Variants in TMTC2 observed in about 807,000 individuals in gnomAD.
TMTC2 encodes the protein protein O-mannosyl-transferase TMTC2.
A neutral mutation model predicts 82.4 loss-of-function variants in TMTC2; 43 were observed. The observed-to-expected ratio is 0.52, with a 90% confidence interval of 0.41 to 0.67. The LOEUF (loss-of-function observed/expected upper bound fraction) is 0.67, where lower values mean the gene tolerates loss of function less well. Ranked by LOEUF, TMTC2 falls within the 30% of genes least tolerant of loss-of-function variation. The pLI, the probability that TMTC2 is intolerant of heterozygous loss-of-function variation, is 0.00. For missense variants in TMTC2, 919 were observed against 1,012.4 expected (o/e 0.91, Z 1.25); for synonymous variants, 408 against 381.9 (o/e 1.07, Z -0.80).
At chr12:82,923,326 T>C (rs1216657469) in intron 3 of TMTC2, among the ~76,000 whole-genome samples, 1 of 152,188 alleles carries the variant, frequency 6.6e-6, no homozygotes, top group Non-Finnish European at 1.5e-5. Flanking sequence ...TGCCTATTTT[T>C]CCTCTATTGG....
chr12:82,874,428 T>C (rs745938811), intron 2 of TMTC2, among the ~76,000 whole-genome samples: 1 of 152,234 alleles, frequency 6.6e-6, no homozygotes, highest in Admixed American at 6.5e-5. Flanking sequence ...GGTAAAATCA[T>C]AATTTCGTCT....
intron 1 of TMTC2, among the ~76,000 whole-genome samples, chr12:82,820,625 T>G (rs998499827): frequency 1.3e-5 from 2 of 152,218 alleles, no homozygotes; most frequent in Non-Finnish European, 2.9e-5. Flanking sequence ...TCTGCCTGCC[T>G]CAGCCTCCCA....
At chr12:82,942,879 A>C (rs1876796546) in intron 4 of TMTC2, among the ~76,000 whole-genome samples, 1 of 152,166 alleles carries the variant, frequency 6.6e-6, no homozygotes, top group Non-Finnish European at 1.5e-5. Context: ...TTTTCTTTCT[A>C]TTGCAGGTTT....
chr12:82,700,398 G>A (rs115881884), intron 1 of TMTC2, among the ~76,000 whole-genome samples: 2,079 of 152,138 alleles, frequency 0.014, 42 homozygotes, highest in African/African-American at 0.048. Context: ...CTATTATAGG[G>A]CATTTAAAGA....
intron 11 of TMTC2, among the ~76,000 whole-genome samples, chr12:83,095,236 T>G (rs1359505386): frequency 1.4e-5 from 2 of 146,734 alleles, no homozygotes; most frequent in East Asian, 2.2e-4. Flanking sequence ...TTTTGTTTTT[T>G]TTTTTGTTTT....
intron 2 of TMTC2, among the ~76,000 whole-genome samples, chr12:82,889,831 A>G (rs537432822): frequency 1.1e-4 from 16 of 152,108 alleles, no homozygotes; most frequent in Non-Finnish European, 2.4e-4. Flanking sequence ...TTTATTTGCC[A>G]TATGGATTCA....
Position 82,731,121 on chromosome 12 carries a change from TG to T in TMTC2, c.83+43453del, listed in dbSNP as rs1249903669. Among the ~76,000 whole-genome samples the T allele has an allele frequency of 3.5e-4, 54 of 152,280 alleles. No homozygotes were observed. In the Middle Eastern group the frequency reaches 0.017, roughly 48 times the overall value. ...TATCGGTGTTTATACATTCAACAAA[TG>T]AAAAAAAATCGAGTATTGGCTGCTA... is the stretch of plus-strand genomic sequence containing the variant. On this transcript the variant is annotated intron_variant, in intron 1 of 11. Coordinates refer to ENST00000321196, the MANE Select transcript of TMTC2 (RefSeq NM_152588.3).
chr12:83,053,559 T>G (rs1336075238), intron 10 of TMTC2, among the ~76,000 whole-genome samples: 1 of 152,170 alleles, frequency 6.6e-6, no homozygotes, highest in African/African-American at 2.4e-5. Flanking sequence ...AAAAAAATTG[T>G]CATTCCATCT....
chr12:82,978,496 T>C (rs1878779376), intron 7 of TMTC2, among the ~76,000 whole-genome samples: 1 of 151,812 alleles, frequency 6.6e-6, no homozygotes, highest in Non-Finnish European at 1.5e-5. Flanking sequence ...GTGTGTAGTT[T>C]TCAAAATTTC....
intron 4 of TMTC2, among the ~76,000 whole-genome samples, chr12:82,948,613 T>C (rs1027409574): frequency 1.3e-5 from 2 of 152,208 alleles, no homozygotes; most frequent in African/African-American, 4.8e-5. Flanking sequence ...TCCCCTTTCA[T>C]AATTTATTGC....
At chr12:83,073,166 T>A (rs1182494182) in intron 11 of TMTC2, among the ~76,000 whole-genome samples, 1 of 152,306 alleles carries the variant, frequency 6.6e-6, no homozygotes, top group Non-Finnish European at 1.5e-5. Context: ...TAGCAGTTCT[T>A]GTAGTGGTAG....
intron 1 of TMTC2, among the ~76,000 whole-genome samples, chr12:82,853,101 T>G (rs12299630): frequency 0.035 from 5,235 of 151,176 alleles, 310 homozygotes; most frequent in African/African-American, 0.12. Context: ...TGTTTCAAAG[T>G]TTTTTTTCTT....
intron 11 of TMTC2, among the ~76,000 whole-genome samples, chr12:83,092,316 C>A (rs796308682): frequency 6.6e-6 from 1 of 152,172 alleles, no homozygotes; most frequent in East Asian, 1.9e-4. Context: ...CATCCTGCCC[C>A]CCTTAGAGCA....
intron 1 of TMTC2, among the ~76,000 whole-genome samples, chr12:82,818,985 G>A (rs1325216091): frequency 6.6e-6 from 1 of 151,368 alleles, no homozygotes; most frequent in African/African-American, 2.4e-5. Flanking sequence ...GATAACTTAC[G>A]GACTACATTT....
chr12:83,112,192 C>T (rs915247956), intron 11 of TMTC2, among the ~76,000 whole-genome samples: 3 of 151,978 alleles, frequency 2.0e-5, no homozygotes, highest in African/African-American at 4.8e-5. Flanking sequence ...TTTTTTGGCT[C>T]CCCTAAATCC....
At chr12:82,928,414 C>T (rs1458312258) in intron 3 of TMTC2, among the ~76,000 whole-genome samples, 2 of 152,046 alleles carry the variant, frequency 1.3e-5, no homozygotes, top group Admixed American at 6.6e-5. Flanking sequence ...TATGATATCA[C>T]GCCTATTATG....
chr12:82,944,997 A>C (rs766829399), intron 4 of TMTC2, among the ~76,000 whole-genome samples: 116 of 152,210 alleles, frequency 7.6e-4, no homozygotes, highest in Non-Finnish European at 1.2e-3. Flanking sequence ...TCACATAGTG[A>C]GGTCTTCAGT....
At chr12:82,700,961 T>C (rs1347098738) in intron 1 of TMTC2, among the ~76,000 whole-genome samples, 1 of 152,118 alleles carries the variant, frequency 6.6e-6, no homozygotes, top group Non-Finnish European at 1.5e-5. Flanking sequence ...GGAGCTACCC[T>C]TTATAAAACC....
At chr12:82,810,863 T>C (rs1311000643) in intron 1 of TMTC2, among the ~76,000 whole-genome samples, 1 of 152,132 alleles carries the variant, frequency 6.6e-6, no homozygotes, top group Non-Finnish European at 1.5e-5. Context: ...ATGAAGAAGG[T>C]GCGTTGCTTC....
Sources: allele counts gnomAD v4.1 joint callset (sites outside exome capture counted in the v4.1 genomes callset), GRCh38; gene constraint gnomAD v4.1.1; transcripts MANE v1.5; gene names NCBI Gene and HGNC (gene_info 2026-07-23, HGNC 2026-07-21).